MORC1: variants seen among roughly 807,000 people sequenced by gnomAD.
MORC1 encodes the protein MORC family CW-type zinc finger 1.
In MORC1, 59 loss-of-function variants were observed where a neutral mutation model predicts 134.9. The observed-to-expected ratio is 0.44, with a 90% CI of 0.35 to 0.54. The LOEUF is 0.54. MORC1 is among the 20% of genes least tolerant of loss of function. MORC1 has a pLI of 0.00. For missense variants in MORC1, 947 were observed against 1,134.5 expected (o/e 0.83, Z 2.37); for synonymous variants, 395 against 391.7 (o/e 1.01, Z -0.10).
chr3:109,020,765 A>AAAAAAAAAAAAAAC lies in MORC1; in HGVS notation c.1704+6985_1704+6986insGTTTTTTTTTTTTT, dbSNP rs545310953. Among the ~76,000 whole-genome samples, 204 of 120,220 alleles carry AAAAAAAAAAAAAAC rather than the reference A, an allele frequency of 1.7e-3. 2 individuals are homozygous for AAAAAAAAAAAAAAC. The highest frequency in any genetic ancestry group is 4.4e-3 in the African/African-American group (128 of 29,008). The allele number at this position is 120,220 out of a possible 152,430, so 78.9% of individuals were successfully genotyped here. ...GGGCGACACAGTGAGACTCTGTCTC[A>AAAAAAAAAAAAAAC]AAAAAAAAAAAGATTAGGTATGAAT... is the stretch of plus-strand genomic sequence containing the variant. On this transcript the variant is annotated intron_variant, in intron 17 of 27. Transcript: ENST00000232603.
intron 24 of MORC1, 152 bp downstream of exon 24, chr3:108,979,363 T>A (rs116361723): frequency 6.7e-5 from 55 of 819,866 alleles, no homozygotes; most frequent in East Asian, 1.5e-4. Flanking sequence ...ACCCATAGTA[T>A]ATCTAAATCA....
chr3:109,037,330 T>C (rs528341312), intron 14 of MORC1, among the ~76,000 whole-genome samples: 1 of 152,226 alleles, frequency 6.6e-6, no homozygotes, highest in Non-Finnish European at 1.5e-5. Context: ...ACAGTGGAAC[T>C]GTCTTGGTTC....
At chr3:108,961,128 TAAG>T (rs374021781) in intron 27 of MORC1, among the ~76,000 whole-genome samples, 39 of 152,312 alleles carry the variant, frequency 2.6e-4, no homozygotes, top group African/African-American at 9.4e-4. Context: ...AACGAACAGA[TAAG>T]AGGATTTTTA....
rs527606439 is a variant in MORC1 at position 108,963,506 on chromosome 3, G to A, written c.2707C>T (p.Leu903=). The change falls in exon 27 of 28, where the codon CTG becomes TTG. Residue 903 remains leucine (L), a synonymous_variant. Coordinates refer to ENST00000232603, the MANE Select transcript of MORC1 (RefSeq NM_014429.4). ...NTRGIHNEIS[L]GQCENKRKIS... ...TTTCTTTTATTTTCACATTGCCCCA[G>A]AGAGATTTCATTATGTATTCCTCTT... 15 of 1,611,442 alleles carry A rather than the reference G, an allele frequency of 9.3e-6. No homozygotes were observed. The South Asian group carries it at 1.5e-4, about 17-fold the overall frequency.
chr3:109,054,925 A>C (rs7653625), intron 13 of MORC1, 43 bp from the exon 14 acceptor site: 1 of 1,546,986 alleles, frequency 6.5e-7, no homozygotes, highest in African/African-American at 1.4e-5. Context: ...AATTTGGCTA[A>C]AGAAAAAAAT....
intron 23 of MORC1, among the ~76,000 whole-genome samples, chr3:108,984,308 T>C (rs2107461408): frequency 6.6e-6 from 1 of 152,232 alleles, no homozygotes; most frequent in Non-Finnish European, 1.5e-5. Flanking sequence ...AATTCTCATG[T>C]CAAAAAAATT....
At chr3:108,987,733 A>G (rs972653987) in intron 21 of MORC1, among the ~76,000 whole-genome samples, 1 of 152,046 alleles carries the variant, frequency 6.6e-6, no homozygotes, top group African/African-American at 2.4e-5. Context: ...CAAGGCTCAC[A>G]TAAAGCTGAC....
Position 109,061,978 on chromosome 3 carries a change from C to T in MORC1, c.966+10G>A. 1 of 1,612,298 alleles carries T rather than the reference C, an allele frequency of 6.2e-7. No homozygotes were observed. Among genetic ancestry groups the T allele is most frequent in the Non-Finnish European group, 8.5e-7 (1 of 1,178,400 alleles). On this transcript the variant is annotated intron_variant, in intron 11 of 27. Coordinates refer to ENST00000232603, the MANE Select transcript of MORC1 (RefSeq NM_014429.4). ...CCATTTAATAAGACTACTCTCTTTA[C>T]ATGTCGTACCTTGGCAGAAGATAAA...
intron 16 of MORC1, among the ~76,000 whole-genome samples, chr3:109,030,801 A>T (rs964178674): frequency 6.6e-6 from 1 of 152,222 alleles, no homozygotes; most frequent in Non-Finnish European, 1.5e-5. Context: ...TACAATCAGC[A>T]ATAGCTTATT....
chr3:109,114,325 T>G (rs1951227488), intron 2 of MORC1, 59 bp downstream of exon 2: 1 of 1,395,122 alleles, frequency 7.2e-7, no homozygotes, highest in South Asian at 1.3e-5. Flanking sequence ...CCCATGTAAT[T>G]AGACAAGAGT....
At chr3:109,070,291 G>T (rs55840910) in intron 8 of MORC1, among the ~76,000 whole-genome samples, 2 of 152,076 alleles carry the variant, frequency 1.3e-5, no homozygotes, top group Non-Finnish European at 2.9e-5. Context: ...GGCCAGCTGA[G>T]GGGAAGCATC....
chr3:108,983,631 T>C (rs1947814877), intron 23 of MORC1, among the ~76,000 whole-genome samples: 1 of 152,146 alleles, frequency 6.6e-6, no homozygotes, highest in South Asian at 2.1e-4. Flanking sequence ...CTGTGATCAC[T>C]GCTCACCACT....
chr3:109,005,377 A>G, intron 18 of MORC1, 62 bp from the exon 19 acceptor site: 1 of 1,433,256 alleles, frequency 7.0e-7, no homozygotes, highest in Non-Finnish European at 9.4e-7. Flanking sequence ...ATTAATCACC[A>G]CTTCTCTCAT....
intron 2 of MORC1, among the ~76,000 whole-genome samples, chr3:109,111,050 T>TAAAAAAAAAAAAAA (rs11344763): frequency 1.2e-4 from 14 of 113,858 alleles, no homozygotes; most frequent in Non-Finnish European, 2.2e-4. Flanking sequence ...GGATATAATT[T>TAAAAAAAAAAAAAA]AAAAAAAAAA....
In MORC1 at chr3:108,984,791, G is replaced by C. The variant is rs201641494; in HGVS notation, c.2258-9C>G. Reference sequence around the variant, plus strand: ...GCACAGCTCCTGTTTTTCTTCAAAAGAACATAGACAAACAATCGCATTTGG... The same window carrying C: ...GCACAGCTCCTGTTTTTCTTCAAAACAACATAGACAAACAATCGCATTTGG... On this transcript the variant is annotated splice_polypyrimidine_tract_variant and intron_variant, in intron 22 of 27. Coordinates refer to ENST00000232603, the MANE Select transcript of MORC1 (RefSeq NM_014429.4). The C allele has an allele frequency of 1.9e-6, 3 of 1,599,548 alleles. No homozygotes were observed. The highest frequency in any genetic ancestry group is 1.7e-6 in the Non-Finnish European group (2 of 1,175,490).
Position 108,971,350 on chromosome 3 carries a change from C to A in MORC1, c.2530G>T (p.Glu844Ter). The A allele has an allele frequency of 6.2e-7, 1 of 1,613,558 alleles. No homozygotes were observed. The highest frequency in any genetic ancestry group is 1.1e-5 in the South Asian group (1 of 91,004). Residue 844 changes from glutamate to a stop codon, truncating the protein, a stop_gained, in exon 25 of 28, where the codon GAA (glutamate) becomes TAA (stop). Coordinates refer to ENST00000232603, the MANE Select transcript of MORC1 (RefSeq NM_014429.4). LOFTEE classifies it high-confidence loss of function. The stretch of plus-strand genomic sequence containing the variant: ...CTTACCTCACAACTTAATGCAGGTT[C>A]TTCCAATTCTGATGGTAGCTGATGC... ...PEHQLPSELE[E>*]PALSCELEQC...
At chr3:109,040,514 G>GAAAC (rs1175708181) in intron 14 of MORC1, among the ~76,000 whole-genome samples, 2 of 143,176 alleles carry the variant, frequency 1.4e-5, no homozygotes, top group African/African-American at 5.0e-5. Flanking sequence ...AAGGAAGGAA[G>GAAAC]AAAGAAACAA....
chr3:109,047,955 T>A (rs1167791150), intron 14 of MORC1, among the ~76,000 whole-genome samples: 1 of 152,156 alleles, frequency 6.6e-6, no homozygotes, highest in Non-Finnish European at 1.5e-5. Flanking sequence ...ACAATCAGCC[T>A]CACAATGGAA....
rs577310914 is a variant in MORC1, at chr3:109,095,074, T to TA, written c.424-7dup. ...GAGGGCATTGGAACTACAACCTATT[T>TA]AAAAAAAAACACATCAATTTACTAT... On this transcript the variant is annotated splice_region_variant and splice_polypyrimidine_tract_variant and intron_variant, in intron 6 of 27. Transcript: ENST00000232603. 3.7e-4 allele frequency: 578 copies of TA among 1,543,556 alleles called. No homozygotes were observed. Among genetic ancestry groups the TA allele is most frequent in the African/African-American group, 1.1e-3 (78 of 70,618 alleles).
Sources: allele counts gnomAD v4.1 joint callset (sites outside exome capture counted in the v4.1 genomes callset), GRCh38; gene constraint gnomAD v4.1.1; transcripts MANE v1.5; gene names NCBI Gene and HGNC (gene_info 2026-07-23, HGNC 2026-07-21).